CLCA2: variants seen among roughly 807,000 people sequenced by gnomAD.
CLCA2 encodes the protein chloride channel accessory 2, also known as calcium-activated chloride channel regulator 2.
In CLCA2, 85 loss-of-function variants were observed where a neutral mutation model predicts 82.9. The observed-to-expected ratio is 1.03, with a 90% CI of 0.86 to 1.23. The LOEUF is 1.23. CLCA2 is among the 50% of genes most tolerant of loss of function. The pLI is 0.00. For missense variants in CLCA2, 1,089 were observed against 1,124.8 expected (o/e 0.97, Z 0.45); for synonymous variants, 421 against 391.7 (o/e 1.07, Z -0.88).
At chr1:86,452,949 C>T (rs542064833) in intron 12 of CLCA2, among the ~76,000 whole-genome samples, 46 of 152,136 alleles carry the variant, frequency 3.0e-4, no homozygotes, top group South Asian at 8.3e-4. Flanking sequence ...CAAAGGTGGG[C>T]GGATCACGAG....
intron 2 of CLCA2, among the ~76,000 whole-genome samples, chr1:86,426,546 G>A (rs548090407): frequency 6.6e-6 from 1 of 152,278 alleles, no homozygotes; most frequent in East Asian, 1.9e-4. Flanking sequence ...GATAGGATAG[G>A]TGGGGGAACT....
chr1:86,438,904 C>A lies in CLCA2; in HGVS notation c.1001C>A (p.Ala334Asp), dbSNP rs148036152. Residue 334 changes from alanine to aspartate, a missense_variant, in exon 7 of 14, where the codon GCC (alanine) becomes GAC (aspartate). Ala to Asp is a moderately radical substitution (Grantham distance 126, BLOSUM62 -2). Transcript: ENST00000370565. ...EADRLLQLQQ[A>D]AEFYLMQIVE... is the part of the protein sequence containing the mutation. ...GACAGACTCCTTCAACTACAACAAGCCGCAGAATTTTATTTGATGCAGATT... is the reference window on the plus strand; with the variant it reads ...GACAGACTCCTTCAACTACAACAAGACGCAGAATTTTATTTGATGCAGATT... The A allele has an allele frequency of 3.3e-5, 53 of 1,614,058 alleles. No homozygotes were observed. The African/African-American group carries it at 6.0e-4, about 18-fold the overall frequency.
At position 86,453,571 on chromosome 1, in the gene CLCA2, A is replaced by G. The variant is rs370498635; in HGVS notation, c.2358A>G (p.Thr786=). Residue 786 remains threonine, a synonymous_variant, in exon 13 of 14, where the codon ACA becomes ACG. Transcript: ENST00000370565. ...KVEEELTLSW[T]APGEDFDQGQ... Reference sequence around the variant, plus strand: ...AAGAGGAATTGACCCTATCTTGGACAGCACCTGGAGAAGACTTTGATCAGG... The same window carrying G: ...AAGAGGAATTGACCCTATCTTGGACGGCACCTGGAGAAGACTTTGATCAGG... 21 of 1,614,016 alleles carry G rather than the reference A, an allele frequency of 1.3e-5. No homozygotes were observed. Among genetic ancestry groups the G allele is most frequent in the African/African-American group, 9.3e-5 (7 of 74,938 alleles).
intron 10 of CLCA2, among the ~76,000 whole-genome samples, chr1:86,446,376 A>G (rs1662854618): frequency 6.6e-6 from 1 of 151,798 alleles, no homozygotes; most frequent in Non-Finnish European, 1.5e-5. Context: ...CAAATTCATC[A>G]TGTTCTTTTC....
chr1:86,455,643 G>A lies in CLCA2; in HGVS notation c.*116G>A, dbSNP rs1331531346. The A allele has an allele frequency of 1.6e-6, 1 of 616,386 alleles. No homozygotes were observed. Among genetic ancestry groups the A allele is most frequent in the Non-Finnish European group, 2.5e-6 (1 of 405,236 alleles). The allele number at this position is 616,386 out of a possible 1,614,324, so 38.2% of individuals were successfully genotyped here. A position where few individuals can be genotyped will look rare whatever the true frequency, so the allele number is the denominator to read the frequency against. On this transcript the variant is annotated 3_prime_UTR_variant, in exon 14 of 14. Transcript: ENST00000370565. ...CTGTATTAAAATGCATTGAGTTTTT[G>A]TACAATACAGATAAGATTTTTACAT... is the stretch of plus-strand genomic sequence containing the variant.
rs1391981896 is a variant in CLCA2, at chr1:86,455,720, G to A, written c.*193G>A. 6 of 353,154 alleles carry A rather than the reference G, an allele frequency of 1.7e-5. No homozygotes were observed. Among genetic ancestry groups the A allele is most frequent in the African/African-American group, 1.3e-4 (6 of 47,626 alleles). 21.9% of individuals were successfully genotyped at this position (353,154 alleles called of 1,614,324 possible). A position where few individuals can be genotyped will look rare whatever the true frequency, so the allele number is the denominator to read the frequency against. On this transcript the variant is annotated 3_prime_UTR_variant, in exon 14 of 14. Transcript: ENST00000370565. ...GTAGATTAGAAAACCCTTACACTTT[G>A]GCTATGAACAAATAATAAAAATTAT...
intron 7 of CLCA2, among the ~76,000 whole-genome samples, chr1:86,439,816 C>T (rs775129295): frequency 1.3e-5 from 2 of 152,008 alleles, no homozygotes; most frequent in Admixed American, 6.6e-5. Context: ...TAACGTGTAG[C>T]CAAGACTGAG....
intron 11 of CLCA2, among the ~76,000 whole-genome samples, chr1:86,449,004 TTTTA>T (rs1662911586): frequency 1.3e-5 from 2 of 152,256 alleles, no homozygotes; most frequent in Non-Finnish European, 2.9e-5. Flanking sequence ...CTTGGAACTA[TTTTA>T]TTTGTTTGAT....
At position 86,455,243 on chromosome 1, in the gene CLCA2, C is replaced by T. The variant is rs774453909; in HGVS notation, c.2548C>T (p.His850Tyr). The change falls in exon 14 of 14, where the codon CAT becomes TAT. Residue 850 changes from histidine to tyrosine, a missense_variant. Transcript: ENST00000370565. ...SPQISTNGPE[H>Y]QPNGETHESH... The stretch of plus-strand genomic sequence containing the variant: ...CCAAATTTCCACGAATGGACCTGAA[C>T]ATCAGCCAAATGGAGAAACACATGA... 24 of 1,614,010 alleles carry T rather than the reference C, an allele frequency of 1.5e-5. No individual in the cohort carries two copies. The highest frequency in any genetic ancestry group is 6.6e-5 in the South Asian group (6 of 91,092).
At position 86,434,758 on chromosome 1, in the gene CLCA2, A is replaced by G. The variant is rs1662570020; in HGVS notation, c.972+13A>G. On this transcript the variant is annotated intron_variant, in intron 6 of 13. Transcript: ENST00000370565. ...CAAGATGGCAGAGGTAACATTTTGA[A>G]CGAAAATGAATGTAAACATTTATCA... 1 of 1,553,794 alleles carries G rather than the reference A, an allele frequency of 6.4e-7. No individual in the cohort carries two copies.
intron 11 of CLCA2, among the ~76,000 whole-genome samples, chr1:86,449,441 T>C (rs1662917886): frequency 6.6e-6 from 1 of 152,218 alleles, no homozygotes; most frequent in Admixed American, 6.5e-5. Context: ...GTGACTTTAA[T>C]ATGGAGAGAT....
intron 10 of CLCA2, among the ~76,000 whole-genome samples, chr1:86,446,129 C>A (rs1007016799): frequency 6.6e-6 from 1 of 151,918 alleles, no homozygotes; most frequent in Non-Finnish European, 1.5e-5. Flanking sequence ...AGGGGTCCAA[C>A]AGACCAGCTG....
At chr1:86,447,256 A>T (rs1286843757) in intron 10 of CLCA2, among the ~76,000 whole-genome samples, 1 of 152,186 alleles carries the variant, frequency 6.6e-6, no homozygotes, top group Non-Finnish European at 1.5e-5. Flanking sequence ...CCCTCACTCC[A>T]AATAAATTCG....
At chr1:86,439,203 G>A in intron 7 of CLCA2, 97 bp downstream of exon 7, 1 of 1,129,504 alleles carries the variant, frequency 8.9e-7, no homozygotes, top group East Asian at 2.5e-5. Context: ...TTGTTACAGG[G>A]TGGTCATAAC....
At position 86,455,269 on chromosome 1, in the gene CLCA2, A is replaced by C; in HGVS notation, c.2574A>C (p.Glu858Asp). The change falls in exon 14 of 14, where the codon GAA becomes GAC. Residue 858 changes from glutamate (E) to aspartate (D), a missense_variant. Transcript: ENST00000370565. Reference sequence around the variant, plus strand: ...ATCAGCCAAATGGAGAAACACATGAAAGCCACAGAATTTATGTTGCAATAC... The same window carrying C: ...ATCAGCCAAATGGAGAAACACATGACAGCCACAGAATTTATGTTGCAATAC... Reference protein sequence around the residue: ...PEHQPNGETHESHRIYVAIRA... With the variant: ...PEHQPNGETHDSHRIYVAIRA... 1 of 1,614,178 alleles carries C rather than the reference A, an allele frequency of 6.2e-7. No individual in the cohort carries two copies. The highest frequency in any genetic ancestry group is 1.7e-5 in the Admixed American group (1 of 60,026).
rs1404079049 is a variant in CLCA2 at position 86,424,284 on chromosome 1, C to A, written c.37C>A (p.Leu13Met). 2 of 1,613,798 alleles carry A rather than the reference C, an allele frequency of 1.2e-6. No individual in the cohort carries two copies. Among genetic ancestry groups the A allele is most frequent in the South Asian group, 2.2e-5 (2 of 91,030 alleles). ...GAGCATTGCAGGTCCTATTTGCAAC[C>A]TGAAGTTTGTGACTCTCCTGGTTGC... ...QRSIAGPICN[L>M]KFVTLLVALS... The change falls in exon 1 of 14, where the codon CTG becomes ATG. Residue 13 changes from leucine to methionine, a missense_variant. Transcript: ENST00000370565.
chr1:86,425,327 G>C lies in CLCA2; in HGVS notation c.187-12G>C. ...AAGTGGTAAAGTAAGTTTTTCTTTT[G>C]TCTGGCTGTAGGAAATGATAACTGA... On this transcript the variant is annotated splice_polypyrimidine_tract_variant and intron_variant, in intron 1 of 13. Coordinates refer to ENST00000370565, the MANE Select transcript of CLCA2 (RefSeq NM_006536.7). 6.5e-7 allele frequency: 1 copy of C among 1,539,176 alleles called. No individual in the cohort carries two copies. The highest frequency in any genetic ancestry group is 2.1e-5 in the Admixed American group (1 of 47,232).
intron 2 of CLCA2, 79 bp downstream of exon 2, chr1:86,425,555 G>A: frequency 1.0e-5 from 12 of 1,202,108 alleles, no homozygotes; most frequent in Non-Finnish European, 1.3e-5. Flanking sequence ...CGATAAAAGT[G>A]AGAAGTTAAG....
chr1:86,454,302 ATG>A (rs1663029520), intron 13 of CLCA2, among the ~76,000 whole-genome samples: 1 of 151,900 alleles, frequency 6.6e-6, no homozygotes, highest in Non-Finnish European at 1.5e-5. Context: ...CTATTTTTTG[ATG>A]TGTCTATTCA....
Sources: allele counts gnomAD v4.1 joint callset (sites outside exome capture counted in the v4.1 genomes callset), GRCh38; gene constraint gnomAD v4.1.1; transcripts MANE v1.5; gene names NCBI Gene and HGNC (gene_info 2026-07-23, HGNC 2026-07-21).